The following GSG1L2 variants were observed in gnomAD, a reference collection of about 807,000 sequenced individuals.
GSG1L2 encodes GSG1 like 2.
GSG1L2 carries 15 observed loss-of-function variants against 9.0 expected under a neutral mutation model. The observed-to-expected ratio is 1.67, with a 90% CI of 1.12 to 2.57. GSG1L2 has a LOEUF of 2.57. GSG1L2 is among the 30% of genes most tolerant of loss of function. The probability of loss-of-function intolerance (pLI) is 0.00; values close to 1 mark genes in which losing one functional copy is unlikely to be tolerated. For missense variants in GSG1L2, 286 were observed against 150.3 expected (o/e 1.90, Z -4.72); for synonymous variants, 127 against 57.9 (o/e 2.19, Z -5.41).
intron 1 of GSG1L2, among the ~76,000 whole-genome samples, chr17:9,814,478 G>A (rs771185847): frequency 6.6e-6 from 1 of 152,066 alleles, no homozygotes; most frequent in African/African-American, 2.4e-5. Context: ...TAGAGACGAG[G>A]CCAGCACAGA....
chr17:9,809,316 G>A (rs540726737), intron 2 of GSG1L2: 18 of 358,808 alleles, frequency 5.0e-5, no homozygotes, highest in South Asian at 3.7e-4. Context: ...GGTTCCTGCC[G>A]GTGGGTTCAT....
chr17:9,803,196 C>T (rs1006858251), intron 4 of GSG1L2, among the ~76,000 whole-genome samples: 2 of 150,608 alleles, frequency 1.3e-5, no homozygotes, highest in African/African-American at 2.4e-5. Context: ...CTCTGCCTCC[C>T]GGTTCAAGCA....
intron 1 of GSG1L2, among the ~76,000 whole-genome samples, chr17:9,818,481 A>C (rs2066576277): frequency 6.9e-6 from 1 of 144,462 alleles, no homozygotes; most frequent in Admixed American, 7.1e-5. Flanking sequence ...TTACAGGTGC[A>C]CACCACCACA....
At chr17:9,818,162 T>A (rs8071852) in intron 1 of GSG1L2, among the ~76,000 whole-genome samples, 80,613 of 151,990 alleles carry the variant, frequency 0.53, 22,528 homozygotes, top group East Asian at 0.99. Context: ...ACGGTTCTGC[T>A]GGCTGTTCGG....
chr17:9,816,508 CTG>C (rs933260976), intron 1 of GSG1L2, among the ~76,000 whole-genome samples: 4 of 120,378 alleles, frequency 3.3e-5, no homozygotes, highest in African/African-American at 1.0e-4. Context: ...GTGTGCCTGT[CTG>C]TGTGTGCGTG....
At chr17:9,809,420 A>C (rs2066530211) in intron 2 of GSG1L2, 1 of 187,006 alleles carries the variant, frequency 5.3e-6, no homozygotes, top group Non-Finnish European at 1.1e-5. Flanking sequence ...AGCGGTAGCA[A>C]GGTTTATTGT....
Position 9,816,028 on chromosome 17 carries a change from G to A in GSG1L2, c.311-5410C>T, listed in dbSNP as rs368266606. ...AGCACGCTCAGCACCCTCAGCCATG[G>A]GCTGCCCTGCACCTCCCTGGGGCTC... On this transcript the variant is annotated intron_variant, in intron 1 of 4. Transcript: ENST00000399363. Among the ~76,000 whole-genome samples the A allele has an allele frequency of 5.9e-5, 9 of 152,246 alleles. No individual in the cohort carries two copies. In the South Asian group the frequency reaches 1.9e-3, roughly 32 times the overall value.
Position 9,821,965 on chromosome 17 carries a change from C to G in GSG1L2, c.107G>C (p.Arg36Pro), listed in dbSNP as rs765986845. The change falls in exon 1 of 5, where the codon CGA becomes CCA. Residue 36 changes from arginine to proline, a missense_variant. Arg to Pro is a moderately radical substitution (Grantham distance 103, BLOSUM62 -2). Transcript: ENST00000399363. ...VVSSHWCEGT[R>P]RVVKPLCQDQ... is the part of the protein sequence containing the mutation. ...CTGGCACAGTGGCTTCACCACCCGTCGGGTCCCCTCACACCAGTGGCTGCT... is the reference window on the plus strand; with the variant it reads ...CTGGCACAGTGGCTTCACCACCCGTGGGGTCCCCTCACACCAGTGGCTGCT... The G allele has an allele frequency of 1.4e-6, 1 of 703,098 alleles. No individual in the cohort carries two copies. The highest frequency in any genetic ancestry group is 2.7e-5 in the East Asian group (1 of 37,286). 43.6% of individuals were successfully genotyped at this position (703,098 alleles called of 1,614,324 possible).
rs145074793 is a variant in GSG1L2 at position 9,821,389 on chromosome 17, G to A, written c.310+373C>T. Among the ~76,000 whole-genome samples, 26 of 149,840 alleles carry A rather than the reference G, an allele frequency of 1.7e-4. 1 individual carries two copies. The highest frequency in any genetic ancestry group is 6.6e-4 in the African/African-American group (26 of 39,434). On this transcript the variant is annotated intron_variant, in intron 1 of 4. Transcript: ENST00000399363. The stretch of plus-strand genomic sequence containing the variant: ...ATTCCCAAAGGATTTTAAATACCAG[G>A]GATTCAGTGACAAGAACAAACGAGA...
At chr17:9,813,965 C>G (rs534038517) in intron 1 of GSG1L2, among the ~76,000 whole-genome samples, 1 of 151,604 alleles carries the variant, frequency 6.6e-6, no homozygotes, top group Non-Finnish European at 1.5e-5. Flanking sequence ...GACGGAGGCT[C>G]GCTCTGTCGC....
At chr17:9,816,448 G>A (rs1366316831) in intron 1 of GSG1L2, among the ~76,000 whole-genome samples, 5 of 35,938 alleles carry the variant, frequency 1.4e-4, no homozygotes, top group African/African-American at 5.4e-4. Flanking sequence ...CTGTGTGCGT[G>A]TGTCTGTGTG....
chr17:9,807,074 C>G (rs560129055), intron 4 of GSG1L2, among the ~76,000 whole-genome samples: 1 of 152,132 alleles, frequency 6.6e-6, no homozygotes, highest in East Asian at 1.9e-4. Flanking sequence ...ATAATATGGT[C>G]GAGTCAGTTA....
intron 1 of GSG1L2, 161 bp from the exon 2 acceptor site, chr17:9,810,779 A>G (rs2066536143): frequency 1.6e-6 from 1 of 622,798 alleles, no homozygotes; most frequent in Non-Finnish European, 2.9e-6. Flanking sequence ...GCCTGATATA[A>G]TCCACCCTAT....
At chr17:9,812,932 CG>C (rs1188842185) in intron 1 of GSG1L2, among the ~76,000 whole-genome samples, 4 of 152,174 alleles carry the variant, frequency 2.6e-5, no homozygotes, top group African/African-American at 7.2e-5. Context: ...TAACCTCGCA[CG>C]GCAGAAAGAG....
chr17:9,810,556 G>C lies in GSG1L2; in HGVS notation c.358+15C>G. ...TGAGGAGTGCTAGTGGGCAGAGTGTGAGTAAGGTATTTACCTTGTTCTTCA... is the reference window on the plus strand; with the variant it reads ...TGAGGAGTGCTAGTGGGCAGAGTGTCAGTAAGGTATTTACCTTGTTCTTCA... On this transcript the variant is annotated intron_variant, in intron 2 of 4. Coordinates refer to ENST00000399363, the MANE Select transcript of GSG1L2 (RefSeq NM_001310219.2). 2.8e-6 allele frequency: 2 copies of C among 702,974 alleles called. No individual in the cohort carries two copies. Among genetic ancestry groups the C allele is most frequent in the Non-Finnish European group, 5.2e-6 (2 of 385,014 alleles). 43.5% of individuals were successfully genotyped at this position (702,974 alleles called of 1,614,324 possible).
chr17:9,815,922 A>G (rs1406984033), intron 1 of GSG1L2, among the ~76,000 whole-genome samples: 1 of 152,136 alleles, frequency 6.6e-6, no homozygotes, highest in Non-Finnish European at 1.5e-5. Flanking sequence ...GGATTAATCC[A>G]TTCATGAATT....
At chr17:9,816,096 C>T (rs2066558313) in intron 1 of GSG1L2, among the ~76,000 whole-genome samples, 2 of 152,202 alleles carry the variant, frequency 1.3e-5, no homozygotes, top group Admixed American at 1.3e-4. Context: ...ACCAGATGTG[C>T]TCCCTCGACC....
At position 9,807,524 on chromosome 17, in the gene GSG1L2, T is replaced by A; in HGVS notation, c.589A>T (p.Lys197Ter). The A allele has an allele frequency of 1.4e-6, 1 of 703,036 alleles. No homozygotes were observed. The highest frequency in any genetic ancestry group is 2.6e-6 in the Non-Finnish European group (1 of 385,012). The allele number at this position is 703,036 out of a possible 1,614,324, so 43.5% of individuals were successfully genotyped here. ...CAGCCATAGTCCCAGGTCTGAGGCT[T>A]CCAATCTTCTGGTCCAAGGTTCACA... ...ITVNLGPEDWKPQTWDYGWSY... is the reference protein window; with the variant it reads ...ITVNLGPEDW Residue 197 changes from lysine to a stop codon, truncating the protein, a stop_gained, in exon 4 of 5, where the codon AAG becomes TAG. Transcript: ENST00000399363. LOFTEE classifies it low-confidence loss of function (END_TRUNC).
chr17:9,804,519 C>T (rs555640073), intron 4 of GSG1L2: 122 of 152,328 alleles, frequency 8.0e-4, no homozygotes, highest in African/African-American at 2.8e-3. Context: ...TTTCCTATGC[C>T]TAACCTCAGA....
Sources: gnomAD v4.1 joint callset for allele counts (sites outside exome capture counted in the v4.1 genomes callset) on GRCh38, gnomAD v4.1.1 for gene constraint, MANE v1.5 for transcripts, NCBI Gene and HGNC (gene_info 2026-07-23, HGNC 2026-07-21) for gene names.